Variants in DCC observed in about 807,000 individuals in gnomAD.
The protein encoded by DCC is netrin receptor DCC.
In DCC, 58 loss-of-function variants were observed where a neutral mutation model predicts 172.5. The observed-to-expected ratio is 0.34, with a 90% confidence interval of 0.27 to 0.42. The LOEUF (loss-of-function observed/expected upper bound fraction) is 0.42. DCC is among the 10% of genes least tolerant of loss of function. The probability of loss-of-function intolerance (pLI) is 1.00; values close to 1 mark genes in which losing one functional copy is unlikely to be tolerated. For missense variants in DCC, 1,740 were observed against 1,791.0 expected, an observed-to-expected ratio of 0.97 and a Z score of 0.51; for synonymous variants, 709 against 644.5, an observed-to-expected ratio of 1.10 and a Z score of -1.52.
chr18:53,467,928 C>T lies in DCC; in HGVS notation c.3654C>T (p.Ser1218=), dbSNP rs778027668. 4 of 1,611,668 alleles carry T rather than the reference C, an allele frequency of 2.5e-6. No individual in the cohort carries two copies. Among genetic ancestry groups the T allele is most frequent in the Admixed American group, 3.3e-5 (2 of 59,996 alleles). ...CTGAGGAAGCAGGGAGCTCTATGTC[C>T]ACTCTGGAGAGGTCGCTGGCTGCAC... The part of the protein sequence containing the change: ...QDTEEAGSSM[S]TLERSLAARR... Residue 1218 remains serine (S), a synonymous_variant, in exon 25 of 29, where the codon TCC becomes TCT. Transcript: ENST00000442544.
chr18:52,791,537 A>C (rs1216445650), intron 2 of DCC, among the ~76,000 whole-genome samples: 3 of 151,740 alleles, frequency 2.0e-5, no homozygotes, highest in Non-Finnish European at 4.4e-5. Flanking sequence ...GGCTGCAGGC[A>C]TGACCCTCAG....
intron 24 of DCC, among the ~76,000 whole-genome samples, chr18:53,461,673 T>C (rs1249662028): frequency 6.6e-6 from 1 of 152,216 alleles, no homozygotes; most frequent in African/African-American, 2.4e-5. Flanking sequence ...ATCTCAGAAT[T>C]GCATAAACAA....
rs906408977 is a variant in DCC at position 52,806,448 on chromosome 18, G to A, written c.412+54074G>A. 2.6e-5 allele frequency among the ~76,000 whole-genome samples: 4 copies of A among 152,214 alleles called. No individual in the cohort carries two copies. The East Asian group carries it at 7.7e-4, about 29-fold the overall frequency. ...TCAAGCCAGTGCTCACCAAAATAGGGTCTTTACCTTTTTAGTGCCCTGAAG... is the reference window on the plus strand; with the variant it reads ...TCAAGCCAGTGCTCACCAAAATAGGATCTTTACCTTTTTAGTGCCCTGAAG... On this transcript the variant is annotated intron_variant, in intron 2 of 28. Transcript: ENST00000442544.
chr18:53,280,607 G>C (rs1029855031), intron 12 of DCC, among the ~76,000 whole-genome samples: 1 of 151,904 alleles, frequency 6.6e-6, no homozygotes, highest in African/African-American at 2.4e-5. Flanking sequence ...CAGCACGGAA[G>C]CTTTCTCTGT....
chr18:52,381,403 A>G (rs1250217533), intron 1 of DCC, among the ~76,000 whole-genome samples: 3 of 152,172 alleles, frequency 2.0e-5, no homozygotes, highest in Non-Finnish European at 2.9e-5. Context: ...ATTTCTAAGA[A>G]TAGAGTATTT....
intron 26 of DCC, 71 bp downstream of exon 26, chr18:53,487,029 C>A: frequency 6.3e-7 from 1 of 1,589,990 alleles, no homozygotes; most frequent in Non-Finnish European, 8.6e-7. Flanking sequence ...AAATATGTTG[C>A]ATTCTGACCT....
chr18:52,520,102 C>T (rs900485019), intron 1 of DCC, among the ~76,000 whole-genome samples: 1 of 152,210 alleles, frequency 6.6e-6, no homozygotes, highest in Non-Finnish European at 1.5e-5. Context: ...AAGCACCAGT[C>T]ATCCAAGGGT....
At chr18:53,435,034 G>A (rs1911847349) in intron 21 of DCC, 110 bp from the exon 22 acceptor site, 1 of 833,386 alleles carries the variant, frequency 1.2e-6, no homozygotes, top group Admixed American at 1.7e-5. Context: ...CTTTCTTGGG[G>A]GTGATCAAAG....
At chr18:52,565,220 T>A (rs931032359) in intron 1 of DCC, among the ~76,000 whole-genome samples, 8 of 152,202 alleles carry the variant, frequency 5.3e-5, no homozygotes, top group African/African-American at 1.9e-4. Flanking sequence ...TGTGTCACAT[T>A]TTCTTTATCC....
chr18:52,468,041 A>G (rs912575493), intron 1 of DCC, among the ~76,000 whole-genome samples: 7 of 152,182 alleles, frequency 4.6e-5, no homozygotes, highest in African/African-American at 1.4e-4. Flanking sequence ...ATGTGCATAT[A>G]CATTCACCAT....
intron 1 of DCC, among the ~76,000 whole-genome samples, chr18:52,545,809 A>G (rs2032595696): frequency 6.6e-6 from 1 of 152,076 alleles, no homozygotes. Context: ...TCTATAAGGG[A>G]GTGTTGAATT....
chr18:52,528,565 C>A (rs144118637), intron 1 of DCC, among the ~76,000 whole-genome samples: 13 of 152,134 alleles, frequency 8.5e-5, no homozygotes, highest in African/African-American at 2.9e-4. Flanking sequence ...AGGAACTGGG[C>A]AGACAGCATT....
At chr18:52,721,466 T>G (rs1442480260) in intron 1 of DCC, among the ~76,000 whole-genome samples, 1 of 152,196 alleles carries the variant, frequency 6.6e-6, no homozygotes, top group Non-Finnish European at 1.5e-5. Context: ...AGATTTGACT[T>G]TATCAACTAG....
At position 53,255,502 on chromosome 18, in the gene DCC, A is replaced by C. The variant is rs550059228; in HGVS notation, c.1911+39905A>C. On this transcript the variant is annotated intron_variant, in intron 12 of 28. Transcript: ENST00000442544. ...GTCTTGCGATAGTTTGCTTAGAATG[A>C]TGGTTTCCAGCTTCATCCATGTCCC... Among the ~76,000 whole-genome samples, 15 of 151,276 alleles carry C rather than the reference A, an allele frequency of 9.9e-5. No individual in the cohort carries two copies. In the South Asian group the frequency reaches 3.1e-3, roughly 32 times the overall value.
At chr18:53,168,701 C>T (rs962080872) in intron 8 of DCC, among the ~76,000 whole-genome samples, 2 of 151,882 alleles carry the variant, frequency 1.3e-5, no homozygotes, top group Non-Finnish European at 1.5e-5. Context: ...CACATGTATC[C>T]CAGAACTTAA....
chr18:52,745,754 G>T (rs377591635), intron 1 of DCC, among the ~76,000 whole-genome samples: 1 of 152,154 alleles, frequency 6.6e-6, no homozygotes, highest in South Asian at 2.1e-4. Flanking sequence ...TGTCTAAGGG[G>T]TGTAATTTTG....
intron 7 of DCC, among the ~76,000 whole-genome samples, chr18:53,092,967 C>T (rs1418943270): frequency 9.4e-6 from 1 of 106,012 alleles, no homozygotes; most frequent in Admixed American, 8.3e-5. Context: ...TGAACAACTG[C>T]ATTACTATTT....
At chr18:53,082,931 A>G (rs2042827038) in intron 7 of DCC, among the ~76,000 whole-genome samples, 1 of 151,778 alleles carries the variant, frequency 6.6e-6, no homozygotes, top group African/African-American at 2.4e-5. Flanking sequence ...GAAATTCTAC[A>G]TCTCACTGAA....
intron 1 of DCC, among the ~76,000 whole-genome samples, chr18:52,412,808 A>G (rs797011640): frequency 2.0e-5 from 3 of 152,214 alleles, no homozygotes; most frequent in Admixed American, 1.3e-4. Flanking sequence ...AACCTTTGCC[A>G]TGTGTTTCTG....
Sources: allele counts gnomAD v4.1 joint callset (sites outside exome capture counted in the v4.1 genomes callset), GRCh38; gene constraint gnomAD v4.1.1; transcripts MANE v1.5; gene names NCBI Gene and HGNC (gene_info 2026-07-23, HGNC 2026-07-21).